Variants in GRID1 observed in about 807,000 individuals in gnomAD.
GRID1 encodes glutamate ionotropic receptor delta type subunit 1.
GRID1 carries 28 observed loss-of-function variants against 98.0 expected under a neutral mutation model. That is an observed-to-expected ratio of 0.29 (90% CI 0.21 to 0.39). The LOEUF (loss-of-function observed/expected upper bound fraction) is 0.39, where lower values mean the gene tolerates loss of function less well. Ranked by LOEUF, GRID1 falls within the 10% of genes least tolerant of loss-of-function variation. GRID1 has a pLI of 1.00. For missense variants in GRID1, 1,111 were observed against 1,340.5 expected (o/e 0.83, Z 2.67); for synonymous variants, 553 against 538.5 (o/e 1.03, Z -0.37).
chr10:86,115,617 T>G (rs1418641186), intron 4 of GRID1, among the ~76,000 whole-genome samples: 1 of 152,168 alleles, frequency 6.6e-6, no homozygotes, highest in Non-Finnish European at 1.5e-5. Context: ...TAGTAAGAGG[T>G]GATTAGACAG....
At chr10:85,905,577 T>C (rs189371001) in intron 5 of GRID1, among the ~76,000 whole-genome samples, 1 of 152,134 alleles carries the variant, frequency 6.6e-6, no homozygotes, top group African/African-American at 2.4e-5. Context: ...ATAACACATA[T>C]GAAAGTAACA....
At chr10:86,323,041 G>A (rs1847993078) in intron 2 of GRID1, among the ~76,000 whole-genome samples, 1 of 152,072 alleles carries the variant, frequency 6.6e-6, no homozygotes, top group African/African-American at 2.4e-5. Flanking sequence ...AAGTTGCAGT[G>A]AGCTGAGATC....
At chr10:85,749,293 T>A (rs1211400019) in intron 8 of GRID1, among the ~76,000 whole-genome samples, 1 of 152,120 alleles carries the variant, frequency 6.6e-6, no homozygotes, top group Non-Finnish European at 1.5e-5. Flanking sequence ...TATCCTTCCA[T>A]CTCTTCTTTA....
intron 4 of GRID1, among the ~76,000 whole-genome samples, chr10:85,937,128 C>A (rs946631875): frequency 6.6e-6 from 1 of 152,204 alleles, no homozygotes; most frequent in African/African-American, 2.4e-5. Context: ...TTCACCTGAG[C>A]AGCTTCAGAA....
chr10:86,294,124 G>C (rs1847554391), intron 2 of GRID1, among the ~76,000 whole-genome samples: 1 of 152,172 alleles, frequency 6.6e-6, no homozygotes, highest in Non-Finnish European at 1.5e-5. Flanking sequence ...AGGCAGGCCT[G>C]GTCAGCACCA....
At chr10:86,119,877 G>A (rs1844640758) in intron 4 of GRID1, among the ~76,000 whole-genome samples, 2 of 152,074 alleles carry the variant, frequency 1.3e-5, no homozygotes, top group South Asian at 4.1e-4. Flanking sequence ...TGCAAGCTCT[G>A]CCTCCTGGGT....
chr10:85,637,495 T>C (rs755947932), intron 13 of GRID1, among the ~76,000 whole-genome samples: 1 of 152,198 alleles, frequency 6.6e-6, no homozygotes, highest in East Asian at 1.9e-4. Flanking sequence ...GGGAGGCATA[T>C]TGAAGACAGC....
chr10:86,065,787 C>G (rs1031500194), intron 4 of GRID1, among the ~76,000 whole-genome samples: 1 of 152,192 alleles, frequency 6.6e-6, no homozygotes, highest in Non-Finnish European at 1.5e-5. Context: ...GCTTGCAGCT[C>G]CAAGGAGAAG....
At chr10:86,049,214 C>T (rs1200917016) in intron 4 of GRID1, among the ~76,000 whole-genome samples, 7 of 152,160 alleles carry the variant, frequency 4.6e-5, no homozygotes, top group African/African-American at 1.7e-4. Flanking sequence ...TTGACCAGGC[C>T]TCCAGCAGCC....
chr10:85,938,972 C>T (rs1841962711), intron 4 of GRID1, among the ~76,000 whole-genome samples: 1 of 152,178 alleles, frequency 6.6e-6, no homozygotes, highest in Non-Finnish European at 1.5e-5. Context: ...GTTGTTCAAA[C>T]CTGCCAAAGT....
Position 86,002,874 on chromosome 10 carries a change from G to T in GRID1, c.727-86635C>A, listed in dbSNP as rs139050921. On this transcript the variant is annotated intron_variant, in intron 4 of 15. Coordinates refer to ENST00000327946, the MANE Select transcript of GRID1 (RefSeq NM_017551.3). ...TGTCCACACCTCATGTATTGTGCTG[G>T]GGATACAAAGATAAACAGAAGAAAG... 2.6e-5 allele frequency among the ~76,000 whole-genome samples: 4 copies of T among 152,230 alleles called. No individual in the cohort carries two copies. In the East Asian group the frequency reaches 7.7e-4, roughly 29 times the overall value.
intron 8 of GRID1, among the ~76,000 whole-genome samples, chr10:85,781,911 A>G (rs1293293900): frequency 6.6e-6 from 1 of 152,078 alleles, no homozygotes; most frequent in Non-Finnish European, 1.5e-5. Flanking sequence ...CATCTTAATC[A>G]CTAGGCCCTG....
chr10:86,351,563 G>A (rs1008329374), intron 2 of GRID1, among the ~76,000 whole-genome samples: 1 of 152,246 alleles, frequency 6.6e-6, no homozygotes, highest in Admixed American at 6.5e-5. Context: ...AAAGGAGCCA[G>A]TGTACAGACC....
At chr10:86,021,393 A>G (rs569400362) in intron 4 of GRID1, among the ~76,000 whole-genome samples, 1 of 152,120 alleles carries the variant, frequency 6.6e-6, no homozygotes, top group Non-Finnish European at 1.5e-5. Flanking sequence ...GGATTAATTG[A>G]ACAGATTTCT....
intron 8 of GRID1, among the ~76,000 whole-genome samples, chr10:85,795,976 G>T (rs1172141681): frequency 6.6e-6 from 1 of 152,140 alleles, no homozygotes; most frequent in Non-Finnish European, 1.5e-5. Flanking sequence ...AGGGGAGCTG[G>T]GGAGTTAAGG....
chr10:85,790,177 A>G (rs1842465582), intron 8 of GRID1, among the ~76,000 whole-genome samples: 1 of 152,218 alleles, frequency 6.6e-6, no homozygotes, highest in Admixed American at 6.5e-5. Context: ...AAAGCGGGTG[A>G]GGGCCAGCCC....
intron 3 of GRID1, among the ~76,000 whole-genome samples, chr10:86,176,398 G>A (rs139375439): frequency 6.5e-4 from 99 of 152,336 alleles, no homozygotes; most frequent in African/African-American, 2.2e-3. Context: ...ATCATGGCAC[G>A]AGGTGAAAGA....
chr10:85,802,737 A>T (rs898797432), intron 8 of GRID1, among the ~76,000 whole-genome samples: 1 of 151,764 alleles, frequency 6.6e-6, no homozygotes, highest in Non-Finnish European at 1.5e-5. Context: ...GTTTTCAAAC[A>T]CTGGACAAGA....
intron 13 of GRID1, chr10:85,645,808 C>G (rs1373749912): frequency 6.6e-6 from 1 of 152,270 alleles, no homozygotes; most frequent in East Asian, 1.9e-4. Context: ...CTGTGCACGA[C>G]CATCTTCCCA....
Sources: gnomAD v4.1 joint callset for allele counts (sites outside exome capture counted in the v4.1 genomes callset) on GRCh38, gnomAD v4.1.1 for gene constraint, MANE v1.5 for transcripts, NCBI Gene and HGNC (gene_info 2026-07-23, HGNC 2026-07-21) for gene names.